The following NLRP11 variants were observed in gnomAD, a reference collection of about 807,000 sequenced individuals.
The protein encoded by NLRP11 is NACHT, LRR and PYD domains-containing protein 11.
A neutral mutation model predicts 79.3 loss-of-function variants in NLRP11; 53 were observed. The observed-to-expected ratio is 0.67, with a 90% CI of 0.54 to 0.84. The LOEUF is 0.84. Ranked by LOEUF, NLRP11 falls within the 40% of genes least tolerant of loss-of-function variation. NLRP11 has a pLI of 0.00. For synonymous variants in NLRP11, 518 were observed against 462.6 expected (o/e 1.12, Z -1.54); for missense variants, 1,264 against 1,255.0 (o/e 1.01, Z -0.11).
chr19:55,796,358 A>G, intron 5 of NLRP11, 108 bp from the exon 6 acceptor site: 1 of 829,222 alleles, frequency 1.2e-6, no homozygotes. Flanking sequence ...GATGATGTCT[A>G]CTTGGAAATA....
Position 55,809,615 on chromosome 19 carries a change from A to G in NLRP11, c.995T>C (p.Leu332Pro). 6.2e-7 allele frequency: 1 copy of G among 1,614,218 alleles called. No individual in the cohort carries two copies. Among genetic ancestry groups the G allele is most frequent in the Non-Finnish European group, 8.5e-7 (1 of 1,180,036 alleles). ...GATGGCGACTCGGCACAGACCCACGAGTATTTCATCCTCATGTACAAGCTG... is the reference window on the plus strand; with the variant it reads ...GATGGCGACTCGGCACAGACCCACGGGTATTTCATCCTCATGTACAAGCTG... The change falls in exon 3 of 10, where the codon CTC (leucine) becomes CCC (proline). Residue 332 changes from leucine (L) to proline (P), a missense_variant. Leu to Pro is a moderately conservative substitution (Grantham distance 98). Transcript: ENST00000589093. The surrounding 1 kb of genome is among the most constrained non-coding windows in gnomAD (Gnocchi z 4.5).
intron 1 of NLRP11, among the ~76,000 whole-genome samples, chr19:55,829,085 T>C (rs759414800): frequency 6.6e-6 from 1 of 152,178 alleles, no homozygotes. Context: ...TTAAGAAGCA[T>C]TGCACTGTGG....
intron 6 of NLRP11, among the ~76,000 whole-genome samples, chr19:55,793,654 C>G (rs991112768): frequency 6.8e-6 from 1 of 146,454 alleles, no homozygotes; most frequent in Non-Finnish European, 1.5e-5. Context: ...AAAGGGTACA[C>G]TAGACCAGAG....
exon 9 of NLRP11, chr19:55,788,912 T>G: frequency 6.2e-7 from 1 of 1,614,050 alleles, no homozygotes; most frequent in Non-Finnish European, 8.5e-7. Flanking sequence ...TTCTAGTGTT[T>G]TGTTGGTGGT....
At chr19:55,807,895 G>A in exon 4 of NLRP11, 2 of 1,612,916 alleles carry the variant, frequency 1.2e-6, no homozygotes, top group Non-Finnish European at 1.7e-6. Flanking sequence ...CAGGGCTTTA[G>A]ACAGAATCCT....
exon 10 of NLRP11, chr19:55,785,493 T>TCTCACACACA: frequency 4.7e-6 from 2 of 422,826 alleles, no homozygotes; most frequent in Admixed American, 4.3e-5. Context: ...TGGATCAAGG[T>TCTCACACACA]CACACACACA....
At position 55,809,595 on chromosome 19, in the gene NLRP11, C is replaced by A. The variant is rs1418975995; in HGVS notation, c.1015G>T (p.Ala339Ser). Reference sequence around the variant, plus strand: ...GTACACGTGATCCAGCATAAGATGGCGACTCGGCACAGACCCACGAGTATT... The same window carrying A: ...GTACACGTGATCCAGCATAAGATGGAGACTCGGCACAGACCCACGAGTATT... Residue 339 changes from alanine to serine, a missense_variant, in exon 3 of 10, where the codon GCC (alanine) becomes TCC (serine). Transcript: ENST00000589093. This position sits in a 1 kb window ranked among gnomAD's most constrained non-coding sequence, Gnocchi z 4.5. The A allele has an allele frequency of 2.1e-5, 34 of 1,614,168 alleles. No homozygotes were observed. The highest frequency in any genetic ancestry group is 2.7e-5 in the Non-Finnish European group (32 of 1,180,032).
chr19:55,795,085 T>TCC (rs1978696746), intron 6 of NLRP11, among the ~76,000 whole-genome samples: 1 of 152,158 alleles, frequency 6.6e-6, no homozygotes, highest in Non-Finnish European at 1.5e-5. Flanking sequence ...CTGACCATGT[T>TCC]TTACAGATCT....
chr19:55,820,971 T>A (rs1234234644), intron 1 of NLRP11, among the ~76,000 whole-genome samples: 3 of 151,720 alleles, frequency 2.0e-5, no homozygotes, highest in Non-Finnish European at 4.4e-5. Context: ...GGAACCTGGA[T>A]GTGGAAGGCA....
chr19:55,820,466 G>A (rs541544130), intron 1 of NLRP11, among the ~76,000 whole-genome samples: 2 of 152,262 alleles, frequency 1.3e-5, no homozygotes, highest in East Asian at 3.9e-4. Context: ...AAATCCCACT[G>A]AACAGAGGGT....
At chr19:55,790,071 G>C (rs1366290952) in intron 7 of NLRP11, among the ~76,000 whole-genome samples, 1 of 152,110 alleles carries the variant, frequency 6.6e-6, no homozygotes, top group African/African-American at 2.4e-5. Context: ...CCACTCTAGT[G>C]ATCTGTATGA....
At chr19:55,798,691 T>C (rs1261621998) in intron 5 of NLRP11, among the ~76,000 whole-genome samples, 1 of 152,088 alleles carries the variant, frequency 6.6e-6, no homozygotes, top group Admixed American at 6.5e-5. Flanking sequence ...TCTACCCTTG[T>C]AGTAAAACTG....
intron 4 of NLRP11, among the ~76,000 whole-genome samples, chr19:55,807,364 T>G (rs1392956678): frequency 6.6e-6 from 1 of 152,190 alleles, no homozygotes; most frequent in African/African-American, 2.4e-5. Flanking sequence ...TAACGCATTC[T>G]GTAGGAAAGA....
chr19:55,796,405 T>C (rs1352322303), intron 5 of NLRP11, among the ~76,000 whole-genome samples, 155 bp from the exon 6 acceptor site: 2 of 152,054 alleles, frequency 1.3e-5, no homozygotes, highest in East Asian at 3.9e-4. Flanking sequence ...CTTCTCCCTA[T>C]GCCACTCCTC....
intron 6 of NLRP11, among the ~76,000 whole-genome samples, chr19:55,794,252 C>T (rs984414046): frequency 1.3e-5 from 2 of 151,724 alleles, no homozygotes; most frequent in African/African-American, 4.8e-5. Flanking sequence ...TAAATTATAC[C>T]TGGAACCAGT....
upstream of NLRP11, among the ~76,000 whole-genome samples, chr19:55,834,601 C>CA (rs147587016): frequency 0.061 from 9,231 of 152,244 alleles, 325 homozygotes; most frequent in Admixed American, 0.096. Flanking sequence ...CTCAGGGACT[C>CA]AGTCATTCCA....
chr19:55,819,028 G>C (rs949729298), intron 1 of NLRP11, among the ~76,000 whole-genome samples: 5 of 151,738 alleles, frequency 3.3e-5, no homozygotes, highest in African/African-American at 1.2e-4. Context: ...CCAGCAATAG[G>C]TAAGTCCCCA....
At chr19:55,824,151 T>A (rs1982081187) in intron 1 of NLRP11, among the ~76,000 whole-genome samples, 1 of 125,496 alleles carries the variant, frequency 8.0e-6, no homozygotes, top group Admixed American at 7.9e-5. Flanking sequence ...GAATTTCATA[T>A]CCACCCAAAC....
chr19:55,820,721 TG>T (rs1184897196), intron 1 of NLRP11, among the ~76,000 whole-genome samples: 15 of 152,264 alleles, frequency 9.9e-5, no homozygotes, highest in Admixed American at 9.8e-4. Flanking sequence ...CTGAATAAAA[TG>T]GAATGTGAAG....
Sources: gnomAD v4.1 joint callset for allele counts (sites outside exome capture counted in the v4.1 genomes callset) on GRCh38, gnomAD v4.1.1 for gene constraint, Gnocchi (gnomAD v3.1) non-coding constraint, MANE v1.5 for transcripts, NCBI Gene and HGNC (gene_info 2026-07-23, HGNC 2026-07-21) for gene names.